The following PRRC2C variants were observed in gnomAD, a reference collection of about 807,000 sequenced individuals.
The protein encoded by PRRC2C is proline rich coiled-coil 2C.
In PRRC2C, 72 loss-of-function variants were observed where a neutral mutation model predicts 317.2. That is an observed-to-expected ratio of 0.23 (90% confidence interval 0.19 to 0.28). The LOEUF (loss-of-function observed/expected upper bound fraction) is 0.28. PRRC2C is among the 10% of genes least tolerant of loss of function. The pLI is 1.00. For synonymous variants in PRRC2C, 1,296 were observed against 1,205.9 expected (o/e 1.07, Z -1.55); for missense variants, 3,074 against 3,459.7 (o/e 0.89, Z 2.80).
At chr1:171,509,462 G>A (rs1326351537) in intron 1 of PRRC2C, 2 of 152,182 alleles carry the variant, frequency 1.3e-5, no homozygotes, top group African/African-American at 2.4e-5. Context: ...AAGAGCACTA[G>A]AGGAAAGATT....
chr1:171,549,431 T>G (rs1004401948), intron 17 of PRRC2C, among the ~76,000 whole-genome samples: 2 of 152,138 alleles, frequency 1.3e-5, no homozygotes, highest in African/African-American at 2.4e-5. Context: ...GTAGATCTTT[T>G]AAAGCACTAT....
chr1:171,508,139 T>A (rs1670602566), intron 1 of PRRC2C, among the ~76,000 whole-genome samples: 1 of 152,214 alleles, frequency 6.6e-6, no homozygotes, highest in Non-Finnish European at 1.5e-5. Context: ...TTTATTCCTT[T>A]TTTTGGTCTG....
chr1:171,525,187 T>G (rs111484568), intron 10 of PRRC2C, among the ~76,000 whole-genome samples: 2 of 152,200 alleles, frequency 1.3e-5, no homozygotes, highest in Non-Finnish European at 2.9e-5. Flanking sequence ...AAACTAAAGC[T>G]TCACATTTTT....
Position 171,535,497 on chromosome 1 carries a change from A to C in PRRC2C, c.1943A>C (p.Glu648Ala). The C allele has an allele frequency of 1.9e-6, 3 of 1,614,030 alleles. No homozygotes were observed. The highest frequency in any genetic ancestry group is 2.5e-6 in the Non-Finnish European group (3 of 1,179,884). The change falls in exon 13 of 35, where the codon GAA becomes GCA. Residue 648 changes from glutamate to alanine, a missense_variant. Physicochemically the swap from Glu to Ala is moderately radical, Grantham distance 107. Transcript: ENST00000647382. ...SEKEATPVVHETEPESGSQPR... is the reference protein window; with the variant it reads ...SEKEATPVVHATEPESGSQPR... ...AAGGAAGCCACACCAGTGGTGCATG[A>C]AACAGAACCAGAATCAGGGTCTCAA...
intron 1 of PRRC2C, among the ~76,000 whole-genome samples, chr1:171,493,840 T>A (rs1332117059): frequency 6.6e-6 from 1 of 152,220 alleles, no homozygotes; most frequent in Non-Finnish European, 1.5e-5. Flanking sequence ...GCTTGGGTTT[T>A]TCTTTTTAAT....
intron 6 of PRRC2C, among the ~76,000 whole-genome samples, chr1:171,520,338 T>G (rs1673324096): frequency 6.6e-6 from 1 of 152,190 alleles, no homozygotes; most frequent in Non-Finnish European, 1.5e-5. Context: ...CAATTACTTT[T>G]TTTCTAATCA....
intron 1 of PRRC2C, among the ~76,000 whole-genome samples, chr1:171,499,935 A>C (rs1201365298): frequency 6.6e-6 from 1 of 152,238 alleles, no homozygotes; most frequent in Non-Finnish European, 1.5e-5. Context: ...TTTATATGTG[A>C]TACTTGACTA....
chr1:171,513,228 A>G, intron 3 of PRRC2C, 56 bp downstream of exon 3: 1 of 1,497,548 alleles, frequency 6.7e-7, no homozygotes, highest in Non-Finnish European at 9.0e-7. Context: ...TAGGGAACTT[A>G]TGTTTGAGTA....
At chr1:171,573,960 A>G (rs564198717) in intron 24 of PRRC2C, among the ~76,000 whole-genome samples, 333 of 152,106 alleles carry the variant, frequency 2.2e-3, no homozygotes, top group African/African-American at 7.8e-3. Flanking sequence ...TACAGGGGTG[A>G]GCCACCGCAC....
rs1215335810 is a variant in PRRC2C, at chr1:171,540,559, A to G, written c.3093A>G (p.Glu1031=). 1.2e-6 allele frequency: 2 copies of G among 1,613,968 alleles called. No individual in the cohort carries two copies. The highest frequency in any genetic ancestry group is 8.5e-7 in the Non-Finnish European group (1 of 1,179,882). Residue 1031 remains glutamate, a synonymous_variant, in exon 16 of 35, where the codon GAA becomes GAG. Coordinates refer to ENST00000647382, the MANE Select transcript of PRRC2C (RefSeq NM_001387844.1). ...PVLRDMKEER[E]QRKEKEGEKA... is the part of the protein sequence containing the mutation. Reference sequence around the variant, plus strand: ...TTAGAGATATGAAAGAGGAACGGGAACAGAGGAAGGAGAAAGAAGGAGAAA... The same window carrying G: ...TTAGAGATATGAAAGAGGAACGGGAGCAGAGGAAGGAGAAAGAAGGAGAAA...
intron 16 of PRRC2C, among the ~76,000 whole-genome samples, chr1:171,543,582 C>T (rs1020271005): frequency 3.9e-5 from 6 of 152,098 alleles, no homozygotes; most frequent in African/African-American, 1.4e-4. Context: ...TATGTGTGCC[C>T]TGCTTTTAGA....
chr1:171,528,127 C>T (rs1476976898), intron 11 of PRRC2C, among the ~76,000 whole-genome samples: 1 of 151,924 alleles, frequency 6.6e-6, no homozygotes. Context: ...GCTAAGGACA[C>T]TTTTTTACTT....
At chr1:171,556,466 A>G (rs780970952) in intron 18 of PRRC2C, among the ~76,000 whole-genome samples, 9 of 152,158 alleles carry the variant, frequency 5.9e-5, no homozygotes, top group Non-Finnish European at 1.0e-4. Flanking sequence ...TGAACCAGGT[A>G]TCTCATTTGG....
At chr1:171,568,378 A>ATCTAC in intron 23 of PRRC2C, 39 bp downstream of exon 23, 1 of 1,563,758 alleles carries the variant, frequency 6.4e-7, no homozygotes. Context: ...TTTGGATTGG[A>ATCTAC]ACCTGGCTAT....
intron 1 of PRRC2C, among the ~76,000 whole-genome samples, chr1:171,506,546 C>A (rs1376363520): frequency 1.3e-5 from 2 of 149,812 alleles, no homozygotes; most frequent in African/African-American, 4.9e-5. Flanking sequence ...CTATGTGTAA[C>A]ACCAATTACA....
intron 22 of PRRC2C, among the ~76,000 whole-genome samples, chr1:171,567,151 G>A (rs1683814044): frequency 6.6e-6 from 1 of 152,090 alleles, no homozygotes; most frequent in Non-Finnish European, 1.5e-5. Flanking sequence ...AATATAAATA[G>A]AATTACAGTA....
chr1:171,515,659 T>C, intron 4 of PRRC2C, 75 bp from the exon 5 acceptor site: 1 of 1,214,484 alleles, frequency 8.2e-7, no homozygotes, highest in Non-Finnish European at 1.1e-6. Context: ...GGCAGAGAGC[T>C]CTATCCTGGG....
Position 171,541,091 on chromosome 1 carries a change from C to T in PRRC2C, c.3625C>T (p.Arg1209Cys), listed in dbSNP as rs769267279. The change falls in exon 16 of 35, where the codon CGT (arginine) becomes TGT (cysteine). Residue 1209 changes from arginine (R) to cysteine (C), a missense_variant. By Grantham distance (180) the Arg-to-Cys change is radical (BLOSUM62 -3). Transcript: ENST00000647382. The surrounding 1 kb of genome is among the most constrained non-coding windows in gnomAD (Gnocchi z 4.1). Reference protein sequence around the residue: ...GRSYRGSYGGRGRGGRGHTRD... With the variant: ...GRSYRGSYGGCGRGGRGHTRD... ...AAGCTATAGAGGTTCTTATGGAGGG[C>T]GTGGCAGGGGTGGTAGGGGACACAC... is the stretch of plus-strand genomic sequence containing the variant. 27 of 1,613,510 alleles carry T rather than the reference C, an allele frequency of 1.7e-5. No homozygotes were observed. In the East Asian group the frequency reaches 2.5e-4, roughly 15 times the overall value.
At chr1:171,496,040 C>T (rs966255560) in intron 1 of PRRC2C, among the ~76,000 whole-genome samples, 11 of 151,928 alleles carry the variant, frequency 7.2e-5, no homozygotes, top group South Asian at 2.1e-4. Context: ...CCTCATGGCC[C>T]GTACAACCTC....
Sources: gnomAD v4.1 joint callset for allele counts (sites outside exome capture counted in the v4.1 genomes callset) on GRCh38, gnomAD v4.1.1 for gene constraint, Gnocchi (gnomAD v3.1) non-coding constraint, MANE v1.5 for transcripts, NCBI Gene and HGNC (gene_info 2026-07-23, HGNC 2026-07-21) for gene names.